The following CDC27 variants were observed in gnomAD, a reference collection of about 807,000 sequenced individuals.
CDC27 encodes cell division cycle 27, also known as cell division cycle protein 27 homolog.
Under a neutral mutation model 109.7 loss-of-function variants are expected in CDC27, and 27 were observed. The observed-to-expected ratio is 0.25, with a 90% CI of 0.18 to 0.34. The LOEUF (loss-of-function observed/expected upper bound fraction) is 0.34, where lower values mean the gene tolerates loss of function less well. CDC27 is among the 10% of genes least tolerant of loss of function. The pLI is 1.00. For missense variants in CDC27, 579 were observed against 960.2 expected (o/e 0.60, Z 5.25); for synonymous variants, 266 against 333.9 (o/e 0.80, Z 2.22).
rs763689938 is a variant in CDC27, at chr17:47,189,214, C to A, written c.-42G>T. On this transcript the variant is annotated 5_prime_UTR_variant, in exon 1 of 19. Coordinates refer to ENST00000066544, the MANE Select transcript of CDC27 (RefSeq NM_001256.6). Reference sequence around the variant, plus strand: ...CACTTTCTGCAGTGCCTCAGGCCCCCCCTGTAGCGGCTCCGGCCCGGCCAG... The same window carrying A: ...CACTTTCTGCAGTGCCTCAGGCCCCACCTGTAGCGGCTCCGGCCCGGCCAG... 1.3e-6 allele frequency: 2 copies of A among 1,559,928 alleles called. No individual in the cohort carries two copies. The highest frequency in any genetic ancestry group is 2.2e-5 in the South Asian group (2 of 90,016).
In CDC27 at chr17:47,143,930, G is replaced by T. The variant is rs200676775; in HGVS notation, c.1123C>A (p.Pro375Thr). 6.7e-7 allele frequency: 1 copy of T among 1,498,156 alleles called. No homozygotes were observed. The highest frequency in any genetic ancestry group is 9.0e-7 in the Non-Finnish European group (1 of 1,116,864). 92.8% of individuals were successfully genotyped at this position (1,498,156 alleles called of 1,614,324 possible). A position where few individuals can be genotyped will look rare whatever the true frequency, so the allele number is the denominator to read the frequency against. ...GTAAAGAGTCGTGAACTTCTTCGAG[G>T]CAGTGCGTTTGGGGGAGATGTAATA... ...PTITSPPNAL[P>T]RRSSRLFTSD... Residue 375 changes from proline (P) to threonine (T), a missense_variant, in exon 10 of 19, where the codon CCT (proline) becomes ACT (threonine). By Grantham distance (38) the Pro-to-Thr change is conservative. Coordinates refer to ENST00000066544, the MANE Select transcript of CDC27 (RefSeq NM_001256.6).
At chr17:47,124,613 T>C (rs1387620645) in intron 16 of CDC27, among the ~76,000 whole-genome samples, 1 of 152,032 alleles carries the variant, frequency 6.6e-6, no homozygotes, top group Non-Finnish European at 1.5e-5. Context: ...GAAAAATAAC[T>C]ATATAATTTT....
At chr17:47,181,803 A>C (rs1367548470) in intron 1 of CDC27, among the ~76,000 whole-genome samples, 166 bp from the exon 2 acceptor site, 1 of 152,124 alleles carries the variant, frequency 6.6e-6, no homozygotes, top group East Asian at 1.9e-4. Flanking sequence ...AAGGCTCTTC[A>C]CAGTATGGCT....
intron 14 of CDC27, among the ~76,000 whole-genome samples, chr17:47,132,741 TTTATTA>T (rs34229894): frequency 0.13 from 16,687 of 125,038 alleles, 1,206 homozygotes; most frequent in East Asian, 0.22. Flanking sequence ...ATTAAAGCAG[TTTATTA>T]TTATTATTAT....
intron 9 of CDC27, among the ~76,000 whole-genome samples, chr17:47,145,913 A>G (rs772847795): frequency 1.3e-4 from 20 of 151,942 alleles, no homozygotes; most frequent in South Asian, 6.2e-4. Context: ...AAAAAAAGTC[A>G]ACCATGTGAT....
At chr17:47,187,371 G>T (rs2064480197) in intron 1 of CDC27, among the ~76,000 whole-genome samples, 1 of 152,006 alleles carries the variant, frequency 6.6e-6, no homozygotes, top group Non-Finnish European at 1.5e-5. Flanking sequence ...GACCATGTCG[G>T]CTCACTGCAA....
At chr17:47,159,510 A>C (rs958904162) in intron 4 of CDC27, 3 of 525,992 alleles carry the variant, frequency 5.7e-6, no homozygotes, top group Admixed American at 3.4e-5. Flanking sequence ...ACAGAGCCGC[A>C]GTGGCCTGTC....
At chr17:47,179,727 A>G (rs1418368726) in intron 2 of CDC27, among the ~76,000 whole-genome samples, 4 of 152,202 alleles carry the variant, frequency 2.6e-5, no homozygotes, top group African/African-American at 9.7e-5. Context: ...GTGAGGTTCT[A>G]TATTGAAAGA....
intron 16 of CDC27, among the ~76,000 whole-genome samples, chr17:47,129,034 G>T (rs1482028148): frequency 2.0e-5 from 3 of 152,212 alleles, no homozygotes; most frequent in Non-Finnish European, 4.4e-5. Flanking sequence ...GTCTCCCAAA[G>T]TGCTGGGATT....
rs1236089543 is a variant in CDC27 at position 47,157,109 on chromosome 17, T to C, written c.646A>G (p.Asn216Asp). The C allele has an allele frequency of 6.3e-7, 1 of 1,576,592 alleles. No individual in the cohort carries two copies. Among genetic ancestry groups the C allele is most frequent in the Non-Finnish European group, 8.6e-7 (1 of 1,159,400 alleles). The stretch of plus-strand genomic sequence containing the variant: ...TACTTTGAATTGGAAGATTCTAAAT[T>C]CAATCTGTTTAATTCCTGAAACAGA... ...PQDTIELNRL[N>D]LESSNSKYSL... Residue 216 changes from asparagine to aspartate, a missense_variant, in exon 7 of 19, where the codon AAT (asparagine) becomes GAT (aspartate). This residue lies in a region of CDC27 where 57 missense variants were observed against 59.0 expected (regional missense o/e 0.97). Coordinates refer to ENST00000066544, the MANE Select transcript of CDC27 (RefSeq NM_001256.6).
intron 9 of CDC27, among the ~76,000 whole-genome samples, chr17:47,148,889 G>A (rs564070856): frequency 5.9e-5 from 9 of 152,100 alleles, no homozygotes; most frequent in African/African-American, 2.2e-4. Context: ...GACTAGCCTG[G>A]CCAACATGGT....
Position 47,119,245 on chromosome 17 carries a change from A to C in CDC27, c.*1690T>G, listed in dbSNP as rs2061935635. 6.6e-6 allele frequency: 1 copy of C among 152,154 alleles called. No individual in the cohort carries two copies. The highest frequency in any genetic ancestry group is 1.5e-5 in the Non-Finnish European group (1 of 68,032). The allele number at this position is 152,154 out of a possible 1,614,324, so 9.4% of individuals were successfully genotyped here. Reference sequence around the variant, plus strand: ...TTCTCCCAACTGTTCCTTTTTTTTAAAAAAGTATTGTTTTAGACAGTACAT... The same window carrying C: ...TTCTCCCAACTGTTCCTTTTTTTTACAAAAGTATTGTTTTAGACAGTACAT... On this transcript the variant is annotated 3_prime_UTR_variant, in exon 19 of 19. Transcript: ENST00000066544.
chr17:47,148,507 G>A (rs538299318), intron 9 of CDC27, among the ~76,000 whole-genome samples: 1 of 152,164 alleles, frequency 6.6e-6, no homozygotes, highest in African/African-American at 2.4e-5. Context: ...CATAATATTT[G>A]AAGAAATAAT....
At chr17:47,188,829 C>A in intron 1 of CDC27, 1 of 1,250,954 alleles carries the variant, frequency 8.0e-7, no homozygotes, top group Non-Finnish European at 1.0e-6. Context: ...GCATTTTCGG[C>A]CCCTCATCTC....
chr17:47,136,842 C>T (rs867150055), intron 14 of CDC27, among the ~76,000 whole-genome samples: 12 of 151,956 alleles, frequency 7.9e-5, no homozygotes, highest in Non-Finnish European at 1.2e-4. Context: ...TTTCGGTGTT[C>T]GAAGAAAAAG....
At chr17:47,142,892 T>C (rs11570521) in intron 10 of CDC27, among the ~76,000 whole-genome samples, 1 of 152,176 alleles carries the variant, frequency 6.6e-6, no homozygotes, top group Non-Finnish European at 1.5e-5. Flanking sequence ...GTCAGGCTGG[T>C]CTCGAACTCC....
intron 4 of CDC27, among the ~76,000 whole-genome samples, chr17:47,169,514 G>A (rs891537708): frequency 2.6e-5 from 4 of 151,618 alleles, no homozygotes; most frequent in Middle Eastern, 3.4e-3. Flanking sequence ...GCGTGGTGTC[G>A]GGCACCTGAA....
chr17:47,169,808 T>G (rs2063759658), intron 4 of CDC27, 109 bp downstream of exon 4: 1 of 850,994 alleles, frequency 1.2e-6, no homozygotes, highest in Non-Finnish European at 1.7e-6. Context: ...GACTATGTAC[T>G]ACTCAGCCAA....
intron 9 of CDC27, among the ~76,000 whole-genome samples, chr17:47,147,170 A>T (rs1027169519): frequency 1.3e-5 from 2 of 149,692 alleles, no homozygotes; most frequent in Non-Finnish European, 3.0e-5. Context: ...GGAGGCCGAG[A>T]CGGGCGGATC....
Sources: gnomAD v4.1 joint callset for allele counts (sites outside exome capture counted in the v4.1 genomes callset) on GRCh38, gnomAD v4.1.1 for gene constraint, gnomAD v4.1.1 regional missense constraint, MANE v1.5 for transcripts, NCBI Gene and HGNC (gene_info 2026-07-23, HGNC 2026-07-21) for gene names.